Variants in TASP1 observed in about 807,000 individuals in gnomAD.
TASP1 encodes the protein threonine aspartase 1.
TASP1 carries 16 observed loss-of-function variants against 56.6 expected under a neutral mutation model. The ratio of observed to expected loss-of-function variants is 0.28; its 90% CI spans 0.19 to 0.43. The LOEUF (loss-of-function observed/expected upper bound fraction) is 0.43. TASP1 is among the 20% of genes least tolerant of loss of function. TASP1 has a pLI of 1.00. For missense variants in TASP1, 393 were observed against 511.6 expected, an observed-to-expected ratio of 0.77 and a Z score of 2.24; for synonymous variants, 179 against 184.2, an observed-to-expected ratio of 0.97 and a Z score of 0.23.
At chr20:13,497,234 T>G (rs1027841367) in intron 10 of TASP1, among the ~76,000 whole-genome samples, 1 of 152,102 alleles carries the variant, frequency 6.6e-6, no homozygotes, top group Admixed American at 6.5e-5. Flanking sequence ...ACAAGAGAGC[T>G]GAAGGAGAAG....
the TASP1 span, among the ~76,000 whole-genome samples, chr20:13,320,122 A>G: frequency 2.0e-5 from 3 of 152,188 alleles, no homozygotes; most frequent in South Asian, 4.1e-4. Context: ...GTGAGAAGCA[A>G]TCTATACCTC....
At chr20:13,441,075 C>T (rs960024071) in intron 11 of TASP1, among the ~76,000 whole-genome samples, 9 of 152,110 alleles carry the variant, frequency 5.9e-5, no homozygotes, top group African/African-American at 1.9e-4. Flanking sequence ...CTTCCCTCTC[C>T]AACAAGTCAA....
At chr20:13,311,247 A>AGATT in the TASP1 span, among the ~76,000 whole-genome samples, 1 of 116,222 alleles carries the variant, frequency 8.6e-6, no homozygotes, top group African/African-American at 3.8e-5. Context: ...GATAGATGAT[A>AGATT]GATAGATAGA....
the TASP1 span, among the ~76,000 whole-genome samples, chr20:13,218,565 G>A: frequency 1.3e-5 from 2 of 152,298 alleles, no homozygotes; most frequent in East Asian, 1.9e-4. Flanking sequence ...CAGTAATAAC[G>A]ATATGAATAG....
intron 10 of TASP1, among the ~76,000 whole-genome samples, chr20:13,485,755 T>C (rs2043300857): frequency 6.6e-6 from 1 of 152,206 alleles, no homozygotes; most frequent in Non-Finnish European, 1.5e-5. Flanking sequence ...GCTTAGCTCA[T>C]GAAACGCCAT....
chr20:13,592,521 A>G (rs2047572235), intron 4 of TASP1, among the ~76,000 whole-genome samples: 1 of 152,166 alleles, frequency 6.6e-6, no homozygotes, highest in African/African-American at 2.4e-5. Flanking sequence ...AAGTAAAAGC[A>G]TATTAGGAGA....
At chr20:13,315,583 T>C in the TASP1 span, among the ~76,000 whole-genome samples, 1 of 152,010 alleles carries the variant, frequency 6.6e-6, no homozygotes, top group Admixed American at 6.6e-5. Flanking sequence ...TCCATTATCA[T>C]AGTTACAGAT....
At chr20:13,108,715 G>A in the TASP1 span, among the ~76,000 whole-genome samples, 1 of 152,050 alleles carries the variant, frequency 6.6e-6, no homozygotes, top group Non-Finnish European at 1.5e-5. Flanking sequence ...GCTGGGATTA[G>A]AGGTGCCTAC....
intron 11 of TASP1, among the ~76,000 whole-genome samples, chr20:13,450,245 C>T (rs1568817896): frequency 6.6e-6 from 1 of 152,058 alleles, no homozygotes; most frequent in African/African-American, 2.4e-5. Flanking sequence ...GGTGGGCGGT[C>T]TTGCCTCGAT....
chr20:13,568,315 T>C (rs2046604111), intron 7 of TASP1, among the ~76,000 whole-genome samples: 1 of 152,176 alleles, frequency 6.6e-6, no homozygotes, highest in Admixed American at 6.6e-5. Flanking sequence ...ACCTGGCTAA[T>C]TATACCCTAT....
the TASP1 span, among the ~76,000 whole-genome samples, chr20:13,154,708 C>G: frequency 6.6e-6 from 1 of 152,172 alleles, no homozygotes; most frequent in Non-Finnish European, 1.5e-5. Context: ...TTCTCATGCC[C>G]TTACTGTGAA....
At position 13,542,655 on chromosome 20, in the gene TASP1, A is replaced by T. The variant is rs74666151; in HGVS notation, c.676-8514T>A. ...ATATCAAACAATATACTCTCTGACTATAATACAATTAACTTAGGAGTCAAT... is the reference window on the plus strand; with the variant it reads ...ATATCAAACAATATACTCTCTGACTTTAATACAATTAACTTAGGAGTCAAT... On this transcript the variant is annotated intron_variant, in intron 8 of 13. Coordinates refer to ENST00000337743, the MANE Select transcript of TASP1 (RefSeq NM_017714.3). 1.4e-3 allele frequency among the ~76,000 whole-genome samples: 206 copies of T among 152,312 alleles called. 2 individuals are homozygous for T. In the East Asian group the frequency reaches 0.035, roughly 26 times the overall value.
the TASP1 span, among the ~76,000 whole-genome samples, chr20:13,214,562 C>CAGAG: frequency 9.0e-4 from 100 of 111,366 alleles, no homozygotes; most frequent in South Asian, 1.8e-3. Context: ...CACACACACA[C>CAGAG]AGAGAGAGAG....
At chr20:13,520,639 C>T (rs1347150012) in intron 10 of TASP1, among the ~76,000 whole-genome samples, 1 of 152,290 alleles carries the variant, frequency 6.6e-6, no homozygotes, top group Non-Finnish European at 1.5e-5. Flanking sequence ...GGATCAAAGA[C>T]TTAACTGTTA....
the TASP1 span, among the ~76,000 whole-genome samples, chr20:13,119,349 G>C: frequency 6.6e-6 from 1 of 152,104 alleles, no homozygotes; most frequent in African/African-American, 2.4e-5. Context: ...TTAAACAAAG[G>C]CTCGCGACTA....
the TASP1 span, among the ~76,000 whole-genome samples, chr20:13,349,589 C>T: frequency 6.0e-4 from 92 of 152,074 alleles, no homozygotes; most frequent in Admixed American, 6.6e-4. Context: ...CCAGCATATC[C>T]AGTTTTGTTT....
the TASP1 span, among the ~76,000 whole-genome samples, chr20:13,120,180 T>C: frequency 3.3e-5 from 5 of 152,310 alleles, no homozygotes; most frequent in Non-Finnish European, 5.9e-5. Flanking sequence ...GTTTAAATAA[T>C]TAAGAGTAGA....
the TASP1 span, among the ~76,000 whole-genome samples, chr20:13,294,257 G>A: frequency 6.6e-6 from 1 of 152,168 alleles, no homozygotes; most frequent in African/African-American, 2.4e-5. Context: ...GAGCCAAATT[G>A]GATGCAGTTT....
chr20:13,156,777 C>G, the TASP1 span, among the ~76,000 whole-genome samples: 3 of 152,184 alleles, frequency 2.0e-5, no homozygotes, highest in South Asian at 4.1e-4. Context: ...AGCCATTTCA[C>G]TACTACTCTG....
Sources: gnomAD v4.1 joint callset for allele counts (sites outside exome capture counted in the v4.1 genomes callset) on GRCh38, gnomAD v4.1.1 for gene constraint, MANE v1.5 for transcripts, NCBI Gene and HGNC (gene_info 2026-07-23, HGNC 2026-07-21) for gene names.